Variants in STK3 observed in about 807,000 individuals in gnomAD.
STK3 encodes the protein serine/threonine-protein kinase 3.
Under a neutral mutation model 58.0 loss-of-function variants are expected in STK3, and 41 were observed. That is an observed-to-expected ratio of 0.71 (90% confidence interval 0.55 to 0.92). The LOEUF is 0.92. STK3 is among the 40% of genes least tolerant of loss of function. The pLI, the probability that STK3 is intolerant of heterozygous loss-of-function variation, is 0.00. For missense variants in STK3, 479 were observed against 602.7 expected, an observed-to-expected ratio of 0.79 and a Z score of 2.15; for synonymous variants, 170 against 191.0, an observed-to-expected ratio of 0.89 and a Z score of 0.91.
intron 6 of STK3, among the ~76,000 whole-genome samples, chr8:98,650,932 C>T (rs1820863518): frequency 6.6e-6 from 1 of 152,224 alleles, no homozygotes; most frequent in Non-Finnish European, 1.5e-5. Context: ...AACAAAAAGA[C>T]AGCAGTAACC....
chr8:98,366,546 A>ATGTTTT (rs1220653420), downstream of STK3, among the ~76,000 whole-genome samples: 2 of 152,170 alleles, frequency 1.3e-5, no homozygotes, highest in African/African-American at 4.8e-5. Context: ...TAGGGATCTA[A>ATGTTTT]TGTTTTTGTT....
At chr8:98,602,820 C>T (rs986935596) in intron 6 of STK3, among the ~76,000 whole-genome samples, 7 of 150,730 alleles carry the variant, frequency 4.6e-5, no homozygotes, top group African/African-American at 1.5e-4. Context: ...AGAGTCATAA[C>T]TGACTCAAAA....
intron 6 of STK3, among the ~76,000 whole-genome samples, chr8:98,671,573 GT>G (rs559574167): frequency 1.1e-3 from 170 of 150,802 alleles, no homozygotes; most frequent in African/African-American, 3.9e-3. Flanking sequence ...TTAGTTTGGG[GT>G]TTTTTTTTGT....
intron 4 of STK3, among the ~76,000 whole-genome samples, chr8:98,716,478 T>C (rs766624316): frequency 2.6e-5 from 4 of 151,500 alleles, no homozygotes; most frequent in African/African-American, 7.3e-5. Context: ...ACCAAGGAGG[T>C]GAAATATCTG....
intron 3 of STK3, among the ~76,000 whole-genome samples, chr8:98,858,752 C>T (rs1348387776): frequency 2.6e-5 from 4 of 151,614 alleles, no homozygotes; most frequent in Non-Finnish European, 4.4e-5. Flanking sequence ...ATTAGCTGGG[C>T]GTGGTGGTGC....
At chr8:98,808,930 G>A (rs945791188) in intron 1 of STK3, among the ~76,000 whole-genome samples, 11 of 152,284 alleles carry the variant, frequency 7.2e-5, no homozygotes, top group African/African-American at 2.6e-4. Context: ...AGGGAGGGGA[G>A]AAGGACTAGA....
intron 1 of STK3, among the ~76,000 whole-genome samples, chr8:98,814,083 C>T (rs1834392071): frequency 6.6e-6 from 1 of 152,206 alleles, no homozygotes. Flanking sequence ...CGGAGTCTCA[C>T]TCTGTCGCCC....
chr8:98,728,044 C>A (rs910747766), intron 4 of STK3, among the ~76,000 whole-genome samples: 2 of 152,146 alleles, frequency 1.3e-5, no homozygotes, highest in African/African-American at 4.8e-5. Flanking sequence ...CATATTCCAA[C>A]TTCTTAACAA....
At chr8:98,892,028 G>T (rs1838219381) in intron 1 of STK3, among the ~76,000 whole-genome samples, 1 of 152,148 alleles carries the variant, frequency 6.6e-6, no homozygotes. Flanking sequence ...GGGGTAGGCA[G>T]CTGTTTGCAT....
intron 6 of STK3, among the ~76,000 whole-genome samples, chr8:98,601,899 C>A (rs1816382525): frequency 6.6e-6 from 1 of 152,186 alleles, no homozygotes; most frequent in African/African-American, 2.4e-5. Flanking sequence ...CAAATACTAA[C>A]TGGATCACAT....
downstream of STK3, chr8:98,879,159 A>T (rs1255177037): frequency 6.6e-6 from 1 of 152,208 alleles, no homozygotes; most frequent in Non-Finnish European, 1.5e-5. Context: ...CATATAACCC[A>T]TGCACATCCT....
chr8:98,830,969 CAAAAAAAAAA>C (rs760622434), intron 3 of STK3, among the ~76,000 whole-genome samples: 1 of 59,926 alleles, frequency 1.7e-5, no homozygotes, highest in East Asian at 5.1e-4. Context: ...GACTCTGTCT[CAAAAAAAAAA>C]AAAAAAAAAA....
At chr8:98,375,609 T>C (rs2130994548) in intron 2 of STK3, among the ~76,000 whole-genome samples, 1 of 152,276 alleles carries the variant, frequency 6.6e-6, no homozygotes, top group South Asian at 2.1e-4. Context: ...TTCTCCATTC[T>C]AATAATTTTG....
At chr8:98,485,190 G>A (rs182618854) in intron 10 of STK3, among the ~76,000 whole-genome samples, 4 of 152,032 alleles carry the variant, frequency 2.6e-5, no homozygotes, top group East Asian at 1.9e-4. Flanking sequence ...GCAGTGAGCC[G>A]AGATTGTGCC....
In STK3 at chr8:98,623,286, C is replaced by A. The variant is rs573430925; in HGVS notation, c.685-27117G>T. 4.6e-5 allele frequency among the ~76,000 whole-genome samples: 7 copies of A among 152,276 alleles called. No homozygotes were observed. In the East Asian group the frequency reaches 1.4e-3, roughly 29 times the overall value. On this transcript the variant is annotated intron_variant, in intron 6 of 10. Transcript: ENST00000419617. ...GGAAAAGTATAGATATTGACTGTTA[C>A]GGACTGAATTGTGTCCTGTCCCCCC... is the stretch of plus-strand genomic sequence containing the variant.
At chr8:98,791,757 A>G (rs1832818045) in intron 1 of STK3, among the ~76,000 whole-genome samples, 2 of 152,214 alleles carry the variant, frequency 1.3e-5, no homozygotes, top group African/African-American at 2.4e-5. Context: ...ACAACTGACA[A>G]GCCACATGTA....
At chr8:98,549,378 G>A (rs1044505123) in intron 8 of STK3, among the ~76,000 whole-genome samples, 2 of 151,968 alleles carry the variant, frequency 1.3e-5, no homozygotes, top group East Asian at 1.9e-4. Flanking sequence ...CAATCTTTTC[G>A]CACGCTTATT....
downstream of STK3, chr8:98,883,739 G>A: frequency 1.4e-6 from 1 of 702,902 alleles, no homozygotes; most frequent in African/African-American, 1.7e-5. Context: ...TAATGCCACT[G>A]TCCATGAGTT....
chr8:98,719,712 A>G (rs1827262765), intron 4 of STK3, among the ~76,000 whole-genome samples: 1 of 152,216 alleles, frequency 6.6e-6, no homozygotes, highest in Non-Finnish European at 1.5e-5. Context: ...CATTTAGTAA[A>G]TATATTCTTG....
Sources: gnomAD v4.1 joint callset for allele counts (sites outside exome capture counted in the v4.1 genomes callset) on GRCh38, gnomAD v4.1.1 for gene constraint, MANE v1.5 for transcripts, NCBI Gene and HGNC (gene_info 2026-07-23, HGNC 2026-07-21) for gene names.